DESI1: variants seen among roughly 807,000 people sequenced by gnomAD.
The protein encoded by DESI1 is PPPDE peptidase domain containing 2.
DESI1 carries 17 observed loss-of-function variants against 22.4 expected under a neutral mutation model. The observed-to-expected ratio is 0.76, with a 90% confidence interval of 0.52 to 1.14. The LOEUF is 1.14. Among genes scored for constraint, DESI1 ranks in the 50% most tolerant of loss-of-function variants. The pLI, the probability that DESI1 is intolerant of heterozygous loss-of-function variation, is 0.00. For synonymous variants in DESI1, 92 were observed against 84.2 expected (o/e 1.09, Z -0.51); for missense variants, 177 against 208.9 (o/e 0.85, Z 0.94).
chr22:41,603,352 T>G lies in DESI1; in HGVS notation c.320A>C (p.Asn107Thr). 5 of 1,614,202 alleles carry G rather than the reference T, an allele frequency of 3.1e-6. No homozygotes were observed. The highest frequency in any genetic ancestry group is 4.2e-6 in the Non-Finnish European group (5 of 1,180,028). The change falls in exon 5 of 6, where the codon AAT (asparagine) becomes ACT (threonine). Residue 107 changes from asparagine (N) to threonine (T), a missense_variant. Transcript: ENST00000263256. ...RGEAYNLFEHNCNTFSNEVAQ... is the reference protein window; with the variant it reads ...RGEAYNLFEHTCNTFSNEVAQ... ...CACTTCGTTGCTGAAGGTGTTACAA[T>G]TGTGTTCAAAGAGGTTGTAGGCCTC... is the stretch of plus-strand genomic sequence containing the variant.
chr22:41,603,312 A>C lies in DESI1; in HGVS notation c.360T>G (p.Thr120=). The change falls in exon 5 of 6, where the codon ACT becomes ACG. Residue 120 remains threonine, a synonymous_variant. Coordinates refer to ENST00000263256, the MANE Select transcript of DESI1 (RefSeq NM_015704.3). ...TGATGTAAGAAGGAATCTTCCGCCC[A>C]GTCAGGAACTGTGCCACTTCGTTGC... ...TFSNEVAQFL[T]GRKIPSYITD... is the part of the protein sequence containing the mutation. The C allele has an allele frequency of 1.2e-6, 2 of 1,614,270 alleles. No individual in the cohort carries two copies. The highest frequency in any genetic ancestry group is 4.5e-5 in the East Asian group (2 of 44,882).
intron 4 of DESI1, 38 bp from the exon 5 acceptor site, chr22:41,603,419 C>T: frequency 6.2e-7 from 1 of 1,613,566 alleles, no homozygotes; most frequent in East Asian, 2.2e-5. Flanking sequence ...ATATGAGAAA[C>T]CAGCAAGCGT....
intron 3 of DESI1, among the ~76,000 whole-genome samples, chr22:41,604,934 G>C (rs76138219): frequency 6.6e-6 from 1 of 151,924 alleles, no homozygotes; most frequent in South Asian, 2.1e-4. Flanking sequence ...TAGAGGGGAG[G>C]GGGGGCCCTG....
intron 3 of DESI1, 100 bp from the exon 4 acceptor site, chr22:41,604,253 T>A: frequency 3.8e-5 from 16 of 421,786 alleles, no homozygotes; most frequent in African/African-American, 6.2e-5. Flanking sequence ...GTTCTGACTT[T>A]TTTTTTTTTT....
chr22:41,615,428 A>C (rs1192592635), intron 1 of DESI1, among the ~76,000 whole-genome samples: 1 of 152,074 alleles, frequency 6.6e-6, no homozygotes, highest in Non-Finnish European at 1.5e-5. Context: ...TGTCTCAAAA[A>C]AAAAAAGAAA....
chr22:41,609,099 G>GC (rs2067500862), intron 1 of DESI1, among the ~76,000 whole-genome samples: 1 of 151,932 alleles, frequency 6.6e-6, no homozygotes, highest in Non-Finnish European at 1.5e-5. Flanking sequence ...GCACCACCAA[G>GC]CCCGGCTGAT....
chr22:41,602,553 C>A (rs1368565163), intron 5 of DESI1: 1 of 985,066 alleles, frequency 1.0e-6, no homozygotes. Context: ...GGCCATAGTT[C>A]AGGAGAAACT....
chr22:41,602,900 C>T (rs1273784489), intron 5 of DESI1: 4 of 779,084 alleles, frequency 5.1e-6, no homozygotes, highest in Non-Finnish European at 6.7e-6. Context: ...TTCTGACCCC[C>T]TCTCTGCTTG....
Position 41,609,880 on chromosome 22 carries a change from G to A in DESI1, c.89-2019C>T, listed in dbSNP as rs562492719. ...AGGCGGGCAGATCACATGAGGTCAG[G>A]AGTTCGAGACCAGCCTGGTCAACAA... On this transcript the variant is annotated intron_variant, in intron 1 of 5. Transcript: ENST00000263256. 4.1e-4 allele frequency among the ~76,000 whole-genome samples: 62 copies of A among 151,150 alleles called. 1 individual carries two copies. The highest frequency in any genetic ancestry group is 3.5e-4 in the Non-Finnish European group (24 of 67,822).
At position 41,603,272 on chromosome 22, in the gene DESI1, C is replaced by A. The variant is rs2067459556; in HGVS notation, c.400G>T (p.Glu134Ter). 6.2e-7 allele frequency: 1 copy of A among 1,614,202 alleles called. No homozygotes were observed. The highest frequency in any genetic ancestry group is 8.5e-7 in the Non-Finnish European group (1 of 1,180,038). Residue 134 changes from glutamate to a stop codon, truncating the protein, a stop_gained, in exon 5 of 6, where the codon GAA (glutamate) becomes TAA (stop). Coordinates refer to ENST00000263256, the MANE Select transcript of DESI1 (RefSeq NM_015704.3). LOFTEE classifies it high-confidence loss of function. ...GGCCACACTTACGTGGAGAGAACTTCAGAGGGCAGGTCTGTGATGTAAGAA... is the reference window on the plus strand; with the variant it reads ...GGCCACACTTACGTGGAGAGAACTTAAGAGGGCAGGTCTGTGATGTAAGAA... ...IPSYITDLPS[E>*]VLSTPFGQAL...
intron 1 of DESI1, among the ~76,000 whole-genome samples, chr22:41,611,597 T>C (rs868679366): frequency 4.7e-4 from 70 of 147,746 alleles, no homozygotes; most frequent in Middle Eastern, 3.5e-3. Flanking sequence ...CCTTCTTTTT[T>C]TTTTTTTTTT....
At position 41,604,005 on chromosome 22, in the gene DESI1, A is replaced by C. The variant is rs768792936; in HGVS notation, c.290+39T>G. 5 of 1,569,800 alleles carry C rather than the reference A, an allele frequency of 3.2e-6. No individual in the cohort carries two copies. The South Asian group carries it at 5.6e-5, about 18-fold the overall frequency. On this transcript the variant is annotated intron_variant, in intron 4 of 5. Coordinates refer to ENST00000263256, the MANE Select transcript of DESI1 (RefSeq NM_015704.3). ...TCCAGGGGTTATTATCTAGCTGGGGAGACAGACACAACTAACCACCACCCC... is the reference window on the plus strand; with the variant it reads ...TCCAGGGGTTATTATCTAGCTGGGGCGACAGACACAACTAACCACCACCCC...
Position 41,599,117 on chromosome 22 carries a change from G to A in DESI1, c.*1980C>T, listed in dbSNP as rs951111790. 14 of 152,336 alleles carry A rather than the reference G, an allele frequency of 9.2e-5. No individual in the cohort carries two copies. The highest frequency in any genetic ancestry group is 3.4e-4 in the African/African-American group (14 of 41,462). The allele number at this position is 152,336 out of a possible 1,614,324, so 9.4% of individuals were successfully genotyped here. On this transcript the variant is annotated 3_prime_UTR_variant, in exon 6 of 6. Transcript: ENST00000263256. ...ATGGCTGATGGCAAAGATAGCAGCA[G>A]ATGGGGCCAGAAATGAGCAGCAGCT...
intron 1 of DESI1, among the ~76,000 whole-genome samples, chr22:41,611,221 C>T (rs987205192): frequency 1.3e-5 from 2 of 152,230 alleles, no homozygotes; most frequent in African/African-American, 4.8e-5. Context: ...CCTCCGCCTC[C>T]TGGGCTCAAG....
intron 1 of DESI1, among the ~76,000 whole-genome samples, chr22:41,613,675 T>C (rs1041329981): frequency 6.6e-5 from 10 of 152,242 alleles, no homozygotes; most frequent in African/African-American, 9.6e-5. Context: ...TGGCTTGTTA[T>C]TGCAATGACT....
At position 41,620,798 on chromosome 22, in the gene DESI1, G is replaced by A; in HGVS notation, c.42C>T (p.Tyr14=). 2 of 1,612,762 alleles carry A rather than the reference G, an allele frequency of 1.2e-6. No individual in the cohort carries two copies. The highest frequency in any genetic ancestry group is 1.7e-6 in the Non-Finnish European group (2 of 1,179,412). The change falls in exon 1 of 6, where the codon TAC becomes TAT. Residue 14 remains tyrosine, a synonymous_variant. Coordinates refer to ENST00000263256, the MANE Select transcript of DESI1 (RefSeq NM_015704.3). ...PNLYPVKLYV[Y]DLSKGLARRL... ...GCCGGGCCAGGCCTTTGGACAGGTC[G>A]TACACGTAGAGCTTCACCGGATAGA...
chr22:41,616,421 A>C (rs2067550670), intron 1 of DESI1, among the ~76,000 whole-genome samples: 1 of 152,174 alleles, frequency 6.6e-6, no homozygotes, highest in South Asian at 2.1e-4. Context: ...GTCTGAAAAC[A>C]GTTTTGAAAT....
At chr22:41,615,510 T>C (rs58016132) in intron 1 of DESI1, among the ~76,000 whole-genome samples, 1,571 of 152,054 alleles carry the variant, frequency 0.01, 26 homozygotes, top group African/African-American at 0.036. Context: ...AGAAATTGAA[T>C]GATTATTAAA....
At chr22:41,604,196 C>T (rs929395532) in intron 3 of DESI1, 43 bp from the exon 4 acceptor site, 3 of 1,570,348 alleles carry the variant, frequency 1.9e-6, no homozygotes, top group Non-Finnish European at 2.6e-6. Context: ...TTACCATCTC[C>T]ACTGAATGTT....
Sources: allele counts gnomAD v4.1 joint callset (sites outside exome capture counted in the v4.1 genomes callset), GRCh38; gene constraint gnomAD v4.1.1; transcripts MANE v1.5; gene names NCBI Gene and HGNC (gene_info 2026-07-23, HGNC 2026-07-21).